JPH3: variants seen among roughly 807,000 people sequenced by gnomAD.
JPH3 encodes the protein junctophilin 3.
A neutral mutation model predicts 59.6 loss-of-function variants in JPH3; 11 were observed. The ratio of observed to expected loss-of-function variants is 0.18; its 90% CI spans 0.12 to 0.31. The LOEUF (loss-of-function observed/expected upper bound fraction) is 0.31, where lower values mean the gene tolerates loss of function less well. JPH3 is among the 10% of genes least tolerant of loss of function. The pLI, the probability that JPH3 is intolerant of heterozygous loss-of-function variation, is 1.00. For synonymous variants in JPH3, 673 were observed against 483.6 expected (o/e 1.39, Z -5.14); for missense variants, 1,202 against 1,105.7 (o/e 1.09, Z -1.24).
At chr16:87,691,309 G>T (rs1442104869) in intron 4 of JPH3, among the ~76,000 whole-genome samples, 1 of 152,194 alleles carries the variant, frequency 6.6e-6, no homozygotes, top group Non-Finnish European at 1.5e-5. Context: ...AAGGGCTTTG[G>T]GAATGAAGGG....
At chr16:87,653,384 G>C (rs1457252315) in intron 2 of JPH3, among the ~76,000 whole-genome samples, 1 of 152,130 alleles carries the variant, frequency 6.6e-6, no homozygotes, top group Non-Finnish European at 1.5e-5. Flanking sequence ...TCCAGTGAGT[G>C]AGGGATCCCT....
chr16:87,646,228 T>A (rs745658772), intron 2 of JPH3, among the ~76,000 whole-genome samples: 3 of 152,230 alleles, frequency 2.0e-5, no homozygotes, highest in Non-Finnish European at 4.4e-5. Context: ...GCCCATTTGG[T>A]TCTGATTTTC....
intron 1 of JPH3, among the ~76,000 whole-genome samples, chr16:87,606,509 T>C (rs1386973722): frequency 3.9e-5 from 6 of 152,246 alleles, no homozygotes; most frequent in Admixed American, 2.6e-4. Flanking sequence ...ACAGGCACAC[T>C]TGCTTCCAGT....
chr16:87,659,573 A>G (rs2032635321), intron 2 of JPH3, among the ~76,000 whole-genome samples: 1 of 151,776 alleles, frequency 6.6e-6, no homozygotes, highest in African/African-American at 2.4e-5. Context: ...AAATACAAAA[A>G]TTAGTAGTGT....
At chr16:87,622,623 G>A (rs905544093) in intron 1 of JPH3, among the ~76,000 whole-genome samples, 2 of 133,930 alleles carry the variant, frequency 1.5e-5, no homozygotes, top group African/African-American at 5.1e-5. Context: ...TGCCAGAGGC[G>A]GGCTCAGAAG....
intron 3 of JPH3, among the ~76,000 whole-genome samples, chr16:87,686,879 C>G (rs1037641306): frequency 3.7e-4 from 57 of 152,320 alleles, no homozygotes; most frequent in African/African-American, 1.2e-3. Context: ...TGCTGCCTCA[C>G]TGGTGGGAGT....
Position 87,603,520 on chromosome 16 carries a change from C to T in JPH3, c.374C>T (p.Ser125Leu). The T allele has an allele frequency of 1.3e-6, 2 of 1,548,842 alleles. No homozygotes were observed. Among genetic ancestry groups the T allele is most frequent in the Non-Finnish European group, 1.7e-6 (2 of 1,146,964 alleles). ...GACGGCTACGGGACCGAGACCTACT[C>T]GGACGGAGGTAGGTGCCGCGGGCCG... ...LQDGYGTETY[S>L]DGGTYQGQWV... The change falls in exon 1 of 5, where the codon TCG (serine) becomes TTG (leucine). Residue 125 changes from serine to leucine, a missense_variant. Coordinates refer to ENST00000284262, the MANE Select transcript of JPH3 (RefSeq NM_020655.4).
intron 4 of JPH3, chr16:87,694,881 C>G (rs139762474): frequency 1.2e-4 from 26 of 216,262 alleles, no homozygotes; most frequent in African/African-American, 6.0e-4. Context: ...GCAGCATGCA[C>G]TGCTCCTGCG....
intron 2 of JPH3, among the ~76,000 whole-genome samples, chr16:87,662,449 C>T (rs1597273236): frequency 1.3e-5 from 2 of 151,824 alleles, no homozygotes; most frequent in African/African-American, 2.4e-5. Flanking sequence ...GCACCGTCAG[C>T]ATAAGGGCCT....
At chr16:87,622,878 T>G (rs1490181029) in intron 1 of JPH3, among the ~76,000 whole-genome samples, 2 of 152,124 alleles carry the variant, frequency 1.3e-5, no homozygotes, top group Non-Finnish European at 2.9e-5. Flanking sequence ...TGGTCACCCT[T>G]CCAGGGCTGG....
intron 1 of JPH3, among the ~76,000 whole-genome samples, chr16:87,634,529 C>T (rs950758477): frequency 6.6e-6 from 1 of 152,244 alleles, no homozygotes; most frequent in African/African-American, 2.4e-5. Flanking sequence ...GTCCCTGCCT[C>T]CAGGTGGGAA....
intron 1 of JPH3, among the ~76,000 whole-genome samples, chr16:87,630,336 T>G (rs899092745): frequency 6.6e-6 from 1 of 152,178 alleles, no homozygotes; most frequent in African/African-American, 2.4e-5. Context: ...GCCACAATCA[T>G]CTTCCTCACC....
chr16:87,620,028 T>G (rs1368544701), intron 1 of JPH3, among the ~76,000 whole-genome samples: 1 of 151,958 alleles, frequency 6.6e-6, no homozygotes. Context: ...CACCCTTGGG[T>G]GTGCCAGAGC....
At position 87,644,370 on chromosome 16, in the gene JPH3, C is replaced by T. The variant is rs749966290; in HGVS notation, c.495C>T (p.Asn165=). ...GCTCACCCCTGAGGACGTCCATCAA[C>T]TCCCTGCGCAGCGAGCACACCAACG... ...VIRSPLRTSI[N]SLRSEHTNGT... Residue 165 remains asparagine, a synonymous_variant, in exon 2 of 5, where the codon AAC becomes AAT. Transcript: ENST00000284262. The T allele has an allele frequency of 1.9e-6, 3 of 1,612,964 alleles. No homozygotes were observed. Among genetic ancestry groups the T allele is most frequent in the East Asian group, 4.5e-5 (2 of 44,876 alleles).
intron 4 of JPH3, chr16:87,694,408 C>A (rs528700815): frequency 6.6e-6 from 1 of 152,296 alleles, no homozygotes; most frequent in African/African-American, 2.4e-5. Context: ...CAAAAGGGTC[C>A]CCGGGCCAGA....
chr16:87,620,640 G>A (rs1485111353), intron 1 of JPH3, among the ~76,000 whole-genome samples: 1 of 152,150 alleles, frequency 6.6e-6, no homozygotes. Flanking sequence ...GCTGTTTCCT[G>A]CGTTTACACC....
chr16:87,677,227 A>ACACACAC lies in JPH3; in HGVS notation c.1161-6915_1161-6914insCACACAC, dbSNP rs1567610816. Among the ~76,000 whole-genome samples, 548 of 99,086 alleles carry ACACACAC rather than the reference A, an allele frequency of 5.5e-3. 6 individuals are homozygous for ACACACAC. Among genetic ancestry groups the ACACACAC allele is most frequent in the East Asian group, 7.2e-3 (22 of 3,042 alleles). 65.0% of individuals were successfully genotyped at this position (99,086 alleles called of 152,430 possible). On this transcript the variant is annotated intron_variant, in intron 2 of 4. Transcript: ENST00000284262. Reference sequence around the variant, plus strand: ...ACACACACACACACACACACACACAAAAAAAAAAATTAGCCGGGTGTGGTG... The same window carrying ACACACAC: ...ACACACACACACACACACACACACAACACACACAAAAAAAAATTAGCCGGGTGTGGTG...
chr16:87,615,768 A>G (rs1323576228), intron 1 of JPH3, among the ~76,000 whole-genome samples: 1 of 152,146 alleles, frequency 6.6e-6, no homozygotes, highest in Non-Finnish European at 1.5e-5. Context: ...CCACGCCTTG[A>G]GAAGCTCCAG....
At chr16:87,678,777 G>A (rs1162864340) in intron 2 of JPH3, among the ~76,000 whole-genome samples, 1 of 152,214 alleles carries the variant, frequency 6.6e-6, no homozygotes, top group Non-Finnish European at 1.5e-5. Context: ...CAGAAGAGGA[G>A]AGAGACACGT....
Sources: gnomAD v4.1 joint callset for allele counts (sites outside exome capture counted in the v4.1 genomes callset) on GRCh38, gnomAD v4.1.1 for gene constraint, MANE v1.5 for transcripts, NCBI Gene and HGNC (gene_info 2026-07-23, HGNC 2026-07-21) for gene names.